Variants in GABRG3 observed in about 807,000 individuals in gnomAD.
GABRG3 encodes the protein gamma-aminobutyric acid type A receptor subunit gamma3, also known as gamma-aminobutyric acid receptor subunit gamma-3.
A neutral mutation model predicts 48.8 loss-of-function variants in GABRG3; 25 were observed. The observed-to-expected ratio is 0.51, with a 90% CI of 0.37 to 0.72. The LOEUF (loss-of-function observed/expected upper bound fraction) is 0.72. Ranked by LOEUF, GABRG3 falls within the 30% of genes least tolerant of loss-of-function variation. GABRG3 has a pLI of 0.00. For missense variants in GABRG3, 394 were observed against 577.9 expected, an observed-to-expected ratio of 0.68 and a Z score of 3.26; for synonymous variants, 227 against 217.6, an observed-to-expected ratio of 1.04 and a Z score of -0.38.
At chr15:27,388,676 C>G (rs1896125224) in intron 5 of GABRG3, among the ~76,000 whole-genome samples, 1 of 152,156 alleles carries the variant, frequency 6.6e-6, no homozygotes, top group Non-Finnish European at 1.5e-5. Flanking sequence ...TAAAACAGGT[C>G]TGTTAATGAC....
chr15:27,310,561 G>T (rs1892961233), intron 3 of GABRG3, among the ~76,000 whole-genome samples: 1 of 152,088 alleles, frequency 6.6e-6, no homozygotes, highest in African/African-American at 2.4e-5. Flanking sequence ...AAACTGATCT[G>T]CAGAGTCAAT....
chr15:26,977,185 T>C, intron 2 of GABRG3, 35 bp downstream of exon 2: 1 of 1,592,306 alleles, frequency 6.3e-7, no homozygotes. Context: ...AATAGAAAAA[T>C]ATGCTGTAGT....
Position 27,326,946 on chromosome 15 carries a change from T to C in GABRG3, c.408T>C (p.Ser136=), listed in dbSNP as rs1265217170. The C allele has an allele frequency of 1.9e-6, 3 of 1,614,032 alleles. No individual in the cohort carries two copies. The highest frequency in any genetic ancestry group is 4.5e-5 in the East Asian group (2 of 44,878). ...TCCCAGACACCATCTTCCGCAATTC[T>C]AAAACCGCAGAGGCTCACTGGATCA... ...IWIPDTIFRN[S]KTAEAHWITT... is the part of the protein sequence containing the mutation. Residue 136 remains serine, a synonymous_variant, in exon 4 of 10, where the codon TCT becomes TCC. Transcript: ENST00000615808.
intron 3 of GABRG3, among the ~76,000 whole-genome samples, chr15:27,058,898 T>G (rs984826016): frequency 2.6e-5 from 4 of 152,210 alleles, no homozygotes; most frequent in Non-Finnish European, 4.4e-5. Context: ...TTAGACTAAA[T>G]GCAACCGTCA....
intron 3 of GABRG3, among the ~76,000 whole-genome samples, chr15:27,109,651 G>A (rs1897510560): frequency 6.6e-6 from 1 of 152,208 alleles, no homozygotes; most frequent in Admixed American, 6.5e-5. Flanking sequence ...GGGAGGCTGA[G>A]GTGGGCGAAT....
chr15:27,056,544 T>G (rs1896551436), intron 3 of GABRG3, among the ~76,000 whole-genome samples: 4 of 151,802 alleles, frequency 2.6e-5, no homozygotes. Context: ...GGAAAGAAAG[T>G]GAGAAGTGTT....
intron 5 of GABRG3, among the ~76,000 whole-genome samples, chr15:27,404,188 T>A (rs1213065770): frequency 1.3e-5 from 2 of 152,154 alleles, no homozygotes; most frequent in Non-Finnish European, 2.9e-5. Flanking sequence ...GCCACTGCAC[T>A]CTAGCCTGGG....
At chr15:27,278,041 T>A (rs1891311263) in intron 3 of GABRG3, among the ~76,000 whole-genome samples, 1 of 151,484 alleles carries the variant, frequency 6.6e-6, no homozygotes, top group African/African-American at 2.4e-5. Flanking sequence ...TGTGTGTCTG[T>A]ATATAGCTCG....
At chr15:26,987,775 G>T (rs1417773290) in intron 2 of GABRG3, among the ~76,000 whole-genome samples, 3 of 152,054 alleles carry the variant, frequency 2.0e-5, no homozygotes, top group African/African-American at 7.2e-5. Context: ...GATTTGAGAC[G>T]TTCTTTTCTA....
chr15:27,268,547 T>G (rs1890989558), intron 3 of GABRG3, among the ~76,000 whole-genome samples: 1 of 152,168 alleles, frequency 6.6e-6, no homozygotes, highest in African/African-American at 2.4e-5. Flanking sequence ...TTTCCTTTCT[T>G]CTATTTTTTG....
chr15:27,144,740 C>T (rs1194951810), intron 3 of GABRG3, among the ~76,000 whole-genome samples: 1 of 152,198 alleles, frequency 6.6e-6, no homozygotes, highest in East Asian at 1.9e-4. Flanking sequence ...TGTGCTCTCA[C>T]TTATGACTGA....
At chr15:27,430,987 C>T (rs961373982) in intron 5 of GABRG3, among the ~76,000 whole-genome samples, 1 of 132,354 alleles carries the variant, frequency 7.6e-6, no homozygotes, top group East Asian at 2.3e-4. Context: ...AAGTCCCTGT[C>T]TCAATAAATA....
At chr15:27,083,615 C>T (rs1897027064) in intron 3 of GABRG3, among the ~76,000 whole-genome samples, 1 of 152,142 alleles carries the variant, frequency 6.6e-6, no homozygotes, top group South Asian at 2.1e-4. Flanking sequence ...CATGAACCAC[C>T]GTGCCCAGCC....
In GABRG3 at chr15:27,307,004, ATG is replaced by A. The variant is rs1491423684; in HGVS notation, c.271-19803_271-19802del. Among the ~76,000 whole-genome samples the A allele has an allele frequency of 2.6e-4, 30 of 117,304 alleles. 2 individuals are homozygous for A. The highest frequency in any genetic ancestry group is 6.2e-4 in the African/African-American group (16 of 25,990). 77.0% of individuals were successfully genotyped at this position (117,304 alleles called of 152,430 possible). On this transcript the variant is annotated intron_variant, in intron 3 of 9. Coordinates refer to ENST00000615808, the MANE Select transcript of GABRG3 (RefSeq NM_033223.5). ...AATATAAACATGTTTATATATAAAC[ATG>A]TATAAACATGTTTATATATAAACAT...
chr15:27,104,673 C>T (rs1015627951), intron 3 of GABRG3, among the ~76,000 whole-genome samples: 3 of 152,246 alleles, frequency 2.0e-5, no homozygotes, highest in Non-Finnish European at 4.4e-5. Flanking sequence ...GCTGATCTGC[C>T]TAGGTAGGAA....
intron 3 of GABRG3, among the ~76,000 whole-genome samples, chr15:27,119,653 T>A (rs1328657473): frequency 6.6e-6 from 1 of 152,162 alleles, no homozygotes; most frequent in Non-Finnish European, 1.5e-5. Context: ...GAGTCTCAAA[T>A]GGGGATGAAT....
At chr15:27,251,897 G>C (rs116913663) in intron 3 of GABRG3, among the ~76,000 whole-genome samples, 5 of 152,150 alleles carry the variant, frequency 3.3e-5, no homozygotes, top group African/African-American at 7.2e-5. Context: ...CCGGGCCTGC[G>C]TCCTTGCCAC....
chr15:27,258,424 T>C (rs541143599), intron 3 of GABRG3, among the ~76,000 whole-genome samples: 63 of 152,188 alleles, frequency 4.1e-4, no homozygotes, highest in African/African-American at 1.4e-3. Flanking sequence ...GAGTGACCCA[T>C]GCAGCATGCG....
chr15:27,392,445 G>C (rs143854520), intron 5 of GABRG3, among the ~76,000 whole-genome samples: 1 of 152,288 alleles, frequency 6.6e-6, no homozygotes, highest in Non-Finnish European at 1.5e-5. Context: ...ATAGACCGGG[G>C]TTATGCGTTT....
Sources: gnomAD v4.1 joint callset for allele counts (sites outside exome capture counted in the v4.1 genomes callset) on GRCh38, gnomAD v4.1.1 for gene constraint, MANE v1.5 for transcripts, NCBI Gene and HGNC (gene_info 2026-07-23, HGNC 2026-07-21) for gene names.